The following BANK1 variants were observed in gnomAD, a reference collection of about 807,000 sequenced individuals.
The protein encoded by BANK1 is B cell scaffold protein with ankyrin repeats 1, also known as B-cell scaffold protein with ankyrin repeats.
Under a neutral mutation model 94.5 loss-of-function variants are expected in BANK1, and 95 were observed. The observed-to-expected ratio is 1.00, with a 90% CI of 0.85 to 1.19. The LOEUF is 1.19. Among genes scored for constraint, BANK1 ranks in the 50% most tolerant of loss-of-function variants. The pLI is 0.00. For missense variants in BANK1, 987 were observed against 932.2 expected (o/e 1.06, Z -0.77); for synonymous variants, 334 against 308.4 (o/e 1.08, Z -0.87).
intron 9 of BANK1, 25 bp from the exon 10 acceptor site, chr4:102,029,935 C>T: frequency 1.3e-6 from 2 of 1,569,870 alleles, no homozygotes; most frequent in African/African-American, 1.4e-5. Flanking sequence ...GAAGAGTAAA[C>T]ACCATGTAAA....
chr4:102,066,019 A>G (rs1728579794), intron 13 of BANK1, among the ~76,000 whole-genome samples: 1 of 152,174 alleles, frequency 6.6e-6, no homozygotes, highest in African/African-American at 2.4e-5. Context: ...ATGATGACCA[A>G]AAACTTGCCA....
intron 7 of BANK1, among the ~76,000 whole-genome samples, chr4:101,934,993 C>T (rs1723482062): frequency 6.6e-6 from 1 of 151,478 alleles, no homozygotes; most frequent in South Asian, 2.1e-4. Flanking sequence ...ACCCACCCCA[C>T]TTCATCTGCC....
rs565044550 is a variant in BANK1 at position 101,946,332 on chromosome 4, C to T, written c.1206+28143C>T. ...GTCATGATGTGAGTCTACGTTTGTT[C>T]CACCTTGTGTTGGCACGTAATAGAT... On this transcript the variant is annotated intron_variant, in intron 7 of 16. Transcript: ENST00000322953. Among the ~76,000 whole-genome samples, 4 of 152,068 alleles carry T rather than the reference C, an allele frequency of 2.6e-5. No individual in the cohort carries two copies. The South Asian group carries it at 8.3e-4, about 32-fold the overall frequency.
chr4:101,848,317 T>C (rs929599150), intron 2 of BANK1, among the ~76,000 whole-genome samples: 4 of 152,160 alleles, frequency 2.6e-5, no homozygotes, highest in Non-Finnish European at 4.4e-5. Flanking sequence ...AAATTCACAA[T>C]GCGAGCCCCC....
At chr4:101,801,620 C>A (rs1202580126) in intron 1 of BANK1, among the ~76,000 whole-genome samples, 1 of 152,138 alleles carries the variant, frequency 6.6e-6, no homozygotes, top group Non-Finnish European at 1.5e-5. Context: ...TGATATTTTG[C>A]TACTATTTTA....
At chr4:101,962,892 T>C (rs1487427073) in intron 7 of BANK1, among the ~76,000 whole-genome samples, 1 of 152,136 alleles carries the variant, frequency 6.6e-6, no homozygotes, top group African/African-American at 2.4e-5. Context: ...AGGTCATCAT[T>C]GATATATGTA....
intron 4 of BANK1, among the ~76,000 whole-genome samples, chr4:101,869,573 A>C (rs1172962684): frequency 6.6e-6 from 1 of 151,930 alleles, no homozygotes; most frequent in Non-Finnish European, 1.5e-5. Context: ...TATTATAAGA[A>C]GTCCTTTAAC....
At chr4:102,042,638 A>T (rs1317228173) in intron 10 of BANK1, among the ~76,000 whole-genome samples, 2 of 152,068 alleles carry the variant, frequency 1.3e-5, no homozygotes, top group African/African-American at 4.8e-5. Flanking sequence ...AAAACCAAAG[A>T]CAGAAATCTA....
At chr4:101,896,725 GAATC>G (rs1403531815) in intron 6 of BANK1, among the ~76,000 whole-genome samples, 4 of 151,668 alleles carry the variant, frequency 2.6e-5, no homozygotes, top group African/African-American at 9.7e-5. Flanking sequence ...TTTATAGAAA[GAATC>G]AATGAGATAA....
chr4:101,912,624 ATATT>A (rs1488034095), intron 6 of BANK1, among the ~76,000 whole-genome samples: 1 of 148,230 alleles, frequency 6.7e-6, no homozygotes, highest in Admixed American at 6.8e-5. Context: ...TACATAATAT[ATATT>A]AATAAATATA....
In BANK1 at chr4:101,971,644, A is replaced by C. The variant is rs1724956660; in HGVS notation, c.1207-49870A>C. On this transcript the variant is annotated intron_variant, in intron 7 of 16. Coordinates refer to ENST00000322953, the MANE Select transcript of BANK1 (RefSeq NM_017935.5). ...TCTGGTTTTACATTTAAGTATTTAT[A>C]ATCCACTTTGAGTTGATTTTTGTAT... Among the ~76,000 whole-genome samples, 4 of 152,106 alleles carry C rather than the reference A, an allele frequency of 2.6e-5. No individual in the cohort carries two copies. In the South Asian group the frequency reaches 8.3e-4, roughly 31 times the overall value.
chr4:101,980,697 T>C (rs1360878615), intron 7 of BANK1, among the ~76,000 whole-genome samples: 1 of 152,006 alleles, frequency 6.6e-6, no homozygotes, highest in East Asian at 1.9e-4. Context: ...TGATGTTGAG[T>C]CTTTCTCTCC....
chr4:101,892,973 G>T (rs963419690), intron 5 of BANK1, among the ~76,000 whole-genome samples: 5 of 151,856 alleles, frequency 3.3e-5, no homozygotes, highest in Non-Finnish European at 7.4e-5. Context: ...TCACATCTTT[G>T]TTTTGTGTTA....
intron 7 of BANK1, among the ~76,000 whole-genome samples, chr4:101,994,326 T>G (rs905326066): frequency 2.0e-5 from 3 of 152,174 alleles, no homozygotes; most frequent in African/African-American, 7.2e-5. Context: ...ATTCACAGAC[T>G]ATTCCTGATG....
chr4:101,939,466 A>C (rs1238044989), intron 7 of BANK1, among the ~76,000 whole-genome samples: 1 of 151,732 alleles, frequency 6.6e-6, no homozygotes, highest in Non-Finnish European at 1.5e-5. Flanking sequence ...CCAACAAAAT[A>C]ACTCAGAAAC....
chr4:101,852,490 A>ATG (rs1727522062), intron 2 of BANK1, among the ~76,000 whole-genome samples: 5 of 111,362 alleles, frequency 4.5e-5, no homozygotes, highest in Non-Finnish European at 7.6e-5. Flanking sequence ...ATATATATAT[A>ATG]TATATATATA....
intron 6 of BANK1, among the ~76,000 whole-genome samples, chr4:101,912,052 CAT>C (rs1312754346): frequency 5.3e-5 from 8 of 152,122 alleles, no homozygotes; most frequent in Non-Finnish European, 1.0e-4. Context: ...CACACACACA[CAT>C]ACACACACAC....
chr4:102,073,250 T>C (rs376880846), intron 15 of BANK1, among the ~76,000 whole-genome samples: 3 of 145,176 alleles, frequency 2.1e-5, no homozygotes, highest in Non-Finnish European at 3.1e-5. Context: ...TATATATATA[T>C]ACACTATATA....
intron 7 of BANK1, among the ~76,000 whole-genome samples, chr4:101,945,524 C>T (rs1403570606): frequency 6.6e-6 from 1 of 151,904 alleles, no homozygotes; most frequent in East Asian, 1.9e-4. Context: ...GAAAGATTAA[C>T]TATTTCAAGT....
Sources: allele counts gnomAD v4.1 joint callset (sites outside exome capture counted in the v4.1 genomes callset), GRCh38; gene constraint gnomAD v4.1.1; transcripts MANE v1.5; gene names NCBI Gene and HGNC (gene_info 2026-07-23, HGNC 2026-07-21).